The following SPTBN5 variants were observed in gnomAD, a reference collection of about 807,000 sequenced individuals.
SPTBN5 encodes the protein spectrin beta, non-erythrocytic 5.
Under a neutral mutation model 477.6 loss-of-function variants are expected in SPTBN5, and 513 were observed. That is an observed-to-expected ratio of 1.07 (90% CI 1.00 to 1.16). The LOEUF is 1.16. Ranked by LOEUF, SPTBN5 falls within the 50% of genes most tolerant of loss-of-function variation. The probability of loss-of-function intolerance (pLI) is 0.00; values close to 1 mark genes in which losing one functional copy is unlikely to be tolerated. For synonymous variants in SPTBN5, 2,169 were observed against 2,011.7 expected (o/e 1.08, Z -2.09); for missense variants, 5,062 against 4,731.8 (o/e 1.07, Z -2.05).
At position 41,849,519 on chromosome 15, in the gene SPTBN5, C is replaced by T. The variant is rs150972396; in HGVS notation, c.11012+350G>A. Reference sequence around the variant, plus strand: ...AGTGAGGAGTGCATGGGAAACAAACCCAGGCAGGCTCTCAGCACTGGGCAG... The same window carrying T: ...AGTGAGGAGTGCATGGGAAACAAACTCAGGCAGGCTCTCAGCACTGGGCAG... On this transcript the variant is annotated intron_variant, in intron 67 of 67. Coordinates refer to ENST00000320955, the MANE Select transcript of SPTBN5 (RefSeq NM_016642.4). Among the ~76,000 whole-genome samples the T allele has an allele frequency of 4.9e-3, 742 of 152,200 alleles. 3 individuals are homozygous for T. Among genetic ancestry groups the T allele is most frequent in the Non-Finnish European group, 8.4e-3 (568 of 67,986 alleles).
rs371730513 is a variant in SPTBN5, at chr15:41,878,404, C to T, written c.3408G>A (p.Ser1136=). The T allele has an allele frequency of 9.3e-6, 15 of 1,613,770 alleles. No individual in the cohort carries two copies. Among genetic ancestry groups the T allele is most frequent in the East Asian group, 4.5e-5 (2 of 44,872 alleles). ...RSKEVSVDVA[S]AQRLLREHQD... Reference sequence around the variant, plus strand: ...GGTGCTCCCTCAGCAGCCGCTGAGCCGAGGCCACATCCACTGACACCTCCT... The same window carrying T: ...GGTGCTCCCTCAGCAGCCGCTGAGCTGAGGCCACATCCACTGACACCTCCT... Residue 1136 remains serine (S), a synonymous_variant, in exon 17 of 68, where the codon TCG becomes TCA. Transcript: ENST00000320955.
At chr15:41,849,226 G>A (rs1179287427) in intron 67 of SPTBN5, among the ~76,000 whole-genome samples, 2 of 152,222 alleles carry the variant, frequency 1.3e-5, no homozygotes. Flanking sequence ...AGGAGATGTG[G>A]GTGAGGGGGG....
At chr15:41,873,792 C>G (rs2140946403) in intron 25 of SPTBN5, 53 bp downstream of exon 25, 1 of 1,596,348 alleles carries the variant, frequency 6.3e-7, no homozygotes, top group South Asian at 1.1e-5. Context: ...GGTGGCCCCT[C>G]AAGGAGCCCT....
chr15:41,866,623 C>T (rs1298919221), intron 36 of SPTBN5, 130 bp from the exon 37 acceptor site: 1 of 1,103,660 alleles, frequency 9.1e-7, no homozygotes, highest in Non-Finnish European at 1.2e-6. Context: ...GTAAATGAGC[C>T]CTGAAGGTTC....
Position 41,853,733 on chromosome 15 carries a change from G to A in SPTBN5, c.9829C>T (p.Arg3277Ter), listed in dbSNP as rs746957996. The change falls in exon 58 of 68, where the codon CGA (arginine) becomes TGA (stop). Residue 3277 changes from arginine (R) to a stop codon, truncating the protein, a stop_gained. Coordinates refer to ENST00000320955, the MANE Select transcript of SPTBN5 (RefSeq NM_016642.4). LOFTEE classifies it high-confidence loss of function. ...GCTGCAGGATGTAGCTGGCCCAGTC[G>A]GCAGGCCTCCGTCTGTAGCCGTGCC... ...EVARLQTEACRLGQLHPAAPG... is the reference protein window; with the variant it reads ...EVARLQTEAC The A allele has an allele frequency of 1.1e-5, 18 of 1,588,512 alleles. 1 individual carries two copies. In the Middle Eastern group the frequency reaches 1.3e-3, roughly 117 times the overall value.
Position 41,874,015 on chromosome 15 carries a change from C to G in SPTBN5, c.4720G>C (p.Gly1574Arg). 6.2e-7 allele frequency: 1 copy of G among 1,601,028 alleles called. No individual in the cohort carries two copies. The highest frequency in any genetic ancestry group is 8.5e-7 in the Non-Finnish European group (1 of 1,179,308). ...ELQVEVKAHQ[G>R]QVQRVLSSGR... ...GAACTCAGCACCCGTTGCACCTGCCCCTGGTGAGCTTTTACCTCCACCTGG... is the reference window on the plus strand; with the variant it reads ...GAACTCAGCACCCGTTGCACCTGCCGCTGGTGAGCTTTTACCTCCACCTGG... Residue 1574 changes from glycine to arginine, a missense_variant, in exon 25 of 68, where the codon GGG (glycine) becomes CGG (arginine). By Grantham distance (125) the Gly-to-Arg change is moderately radical (BLOSUM62 -2). Transcript: ENST00000320955.
At chr15:41,852,132 C>T in intron 62 of SPTBN5, 50 bp downstream of exon 62, 3 of 1,536,316 alleles carry the variant, frequency 2.0e-6, no homozygotes, top group Non-Finnish European at 2.6e-6. Context: ...CCACTGCATG[C>T]TTCAGGGAGA....
intron 63 of SPTBN5, among the ~76,000 whole-genome samples, 193 bp downstream of exon 63, chr15:41,851,586 G>GGGGT (rs1555459997): frequency 2.0e-5 from 3 of 151,184 alleles, no homozygotes; most frequent in Non-Finnish European, 1.5e-5. Context: ...CCTCCTGGTG[G>GGGGT]GGGTGGGTAG....
Position 41,886,168 on chromosome 15 carries a change from G to C in SPTBN5, c.1087C>G (p.Arg363Gly). ...TQEKPPRLQQ[R>G]GAAEALLFRL... is the part of the protein sequence containing the mutation. ...AAGAGCAGGGCCTCTGCGGCCCCTC[G>C]CTGCTGTAGCCGGGGTGGCTTCTCC... The change falls in exon 7 of 68, where the codon CGA becomes GGA. Residue 363 changes from arginine to glycine, a missense_variant. Coordinates refer to ENST00000320955, the MANE Select transcript of SPTBN5 (RefSeq NM_016642.4). The C allele has an allele frequency of 6.2e-7, 1 of 1,612,608 alleles. No individual in the cohort carries two copies.
chr15:41,879,408 T>C lies in SPTBN5; in HGVS notation c.3034A>G (p.Thr1012Ala), dbSNP rs753743205. 1 of 1,610,768 alleles carries C rather than the reference T, an allele frequency of 6.2e-7. No individual in the cohort carries two copies. Among genetic ancestry groups the C allele is most frequent in the Non-Finnish European group, 8.5e-7 (1 of 1,179,724 alleles). ...VCSFLQECGP[T>A]QVQLRDVLLQ... ...AGCACGTCTCGCAGCTGGACCTGTG[T>C]GGGTCCACACTCCTGCAGAAAACTG... Residue 1012 changes from threonine to alanine, a missense_variant, in exon 16 of 68, where the codon ACA (threonine) becomes GCA (alanine). Physicochemically the swap from Thr to Ala is moderately conservative, Grantham distance 58. Transcript: ENST00000320955.
rs369248083 is a variant in SPTBN5 at position 41,855,313 on chromosome 15, G to A, written c.9334C>T (p.Arg3112Ter). ...CAGGCGTCGAGGAGCAGGGTCTCTC[G>A]CTCCAGCTGGTGTAGCTGCAGCTGC... ...QEQLQLHQLE[R>*]ETLLLDAWLT... Residue 3112 changes from arginine to a stop codon, truncating the protein, a stop_gained, in exon 55 of 68, where the codon CGA becomes TGA. Coordinates refer to ENST00000320955, the MANE Select transcript of SPTBN5 (RefSeq NM_016642.4). LOFTEE classifies it high-confidence loss of function. 77 of 1,610,114 alleles carry A rather than the reference G, an allele frequency of 4.8e-5. No individual in the cohort carries two copies. Among genetic ancestry groups the A allele is most frequent in the East Asian group, 8.9e-5 (4 of 44,882 alleles).
chr15:41,867,953 G>A, intron 34 of SPTBN5, 116 bp downstream of exon 34: 2 of 1,348,576 alleles, frequency 1.5e-6, no homozygotes, highest in Non-Finnish European at 2.0e-6. Flanking sequence ...CTTGTGCACA[G>A]CTGCCTCATA....
rs2066388096 is a variant in SPTBN5 at position 41,867,951 on chromosome 15, C to T, written c.6207+118G>A. 8.9e-6 allele frequency: 12 copies of T among 1,348,878 alleles called. No individual in the cohort carries two copies. In the African/African-American group the frequency reaches 1.3e-4, roughly 15 times the overall value. 83.6% of individuals were successfully genotyped at this position (1,348,878 alleles called of 1,614,324 possible). ...ATGGCCACCTGGAAGGACTTGTGCA[C>T]AGCTGCCTCATATTAGAGAAAAAGC... On this transcript the variant is annotated intron_variant, in intron 34 of 67. Coordinates refer to ENST00000320955, the MANE Select transcript of SPTBN5 (RefSeq NM_016642.4).
In SPTBN5 at chr15:41,866,365, C is replaced by T. The variant is rs2066312401; in HGVS notation, c.6609G>A (p.Glu2203=). Residue 2203 remains glutamate (E), a synonymous_variant, in exon 37 of 68, where the codon GAG becomes GAA. Transcript: ENST00000320955. ...AFEAEVQAHE[E]VMTSVAKKGE... ...TTACCTTGGCAACAGAGGTCATGAC[C>T]TCCTCATGGGCCTGGACTTCAGCCT... 2 of 1,604,586 alleles carry T rather than the reference C, an allele frequency of 1.2e-6. No homozygotes were observed. Among genetic ancestry groups the T allele is most frequent in the African/African-American group, 1.3e-5 (1 of 74,502 alleles).
chr15:41,859,228 G>A (rs1435047838), intron 47 of SPTBN5, among the ~76,000 whole-genome samples: 7 of 152,054 alleles, frequency 4.6e-5, no homozygotes, highest in South Asian at 4.1e-4. Flanking sequence ...GCACAATCTC[G>A]GCTCACTGCA....
intron 62 of SPTBN5, 49 bp downstream of exon 62, chr15:41,852,133 T>C: frequency 6.5e-7 from 1 of 1,536,138 alleles, no homozygotes; most frequent in Non-Finnish European, 8.8e-7. Context: ...CACTGCATGC[T>C]TCAGGGAGAC....
rs374737166 is a variant in SPTBN5, at chr15:41,882,080, C to T, written c.2313G>A (p.Ala771=). 4 of 1,571,516 alleles carry T rather than the reference C, an allele frequency of 2.5e-6. No individual in the cohort carries two copies. Among genetic ancestry groups the T allele is most frequent in the East Asian group, 2.4e-5 (1 of 42,520 alleles). ...LRERRSSLER[A]SCGQDQAAAE... ...CGGCCGCCTGGTCCTGACCGCAGGACGCTCTCTCCAGCGAGGATCGCCGCT... is the reference window on the plus strand; with the variant it reads ...CGGCCGCCTGGTCCTGACCGCAGGATGCTCTCTCCAGCGAGGATCGCCGCT... Residue 771 remains alanine (A), a synonymous_variant, in exon 12 of 68, where the codon GCG becomes GCA. Transcript: ENST00000320955.
rs760422705 is a variant in SPTBN5 at position 41,853,210 on chromosome 15, C to T, written c.10170+48G>A. 1.9e-6 allele frequency: 3 copies of T among 1,542,930 alleles called. No individual in the cohort carries two copies. In the Admixed American group the frequency reaches 5.5e-5, roughly 28 times the overall value. On this transcript the variant is annotated intron_variant, in intron 59 of 67. Transcript: ENST00000320955. ...GAGGGGCCCTGAGGCCCTGGGCAAT[C>T]AGGCTGTATCCCCAGCCCAACCCCA...
chr15:41,867,443 G>T, intron 35 of SPTBN5, 95 bp downstream of exon 35: 1 of 1,202,728 alleles, frequency 8.3e-7, no homozygotes. Flanking sequence ...CATCAGCACT[G>T]CCTCCAGGAA....
Sources: allele counts gnomAD v4.1 joint callset (sites outside exome capture counted in the v4.1 genomes callset), GRCh38; gene constraint gnomAD v4.1.1; transcripts MANE v1.5; gene names NCBI Gene and HGNC (gene_info 2026-07-23, HGNC 2026-07-21).